The following ASIC5 variants were observed in gnomAD, a reference collection of about 807,000 sequenced individuals.
The protein encoded by ASIC5 is bile acid-sensitive ion channel.
ASIC5 carries 52 observed loss-of-function variants against 51.2 expected under a neutral mutation model. That is an observed-to-expected ratio of 1.02 (90% CI 0.81 to 1.28). The LOEUF is 1.28. Ranked by LOEUF, ASIC5 falls within the 50% of genes most tolerant of loss-of-function variation. The probability of loss-of-function intolerance (pLI) is 0.00; values close to 1 mark genes in which losing one functional copy is unlikely to be tolerated. For missense variants in ASIC5, 635 were observed against 595.0 expected, an observed-to-expected ratio of 1.07 and a Z score of -0.70; for synonymous variants, 231 against 200.7, an observed-to-expected ratio of 1.15 and a Z score of -1.28.
At chr4:155,838,669 T>C in intron 7 of ASIC5, 144 bp downstream of exon 7, 1 of 499,154 alleles carries the variant, frequency 2.0e-6, no homozygotes, top group Non-Finnish European at 3.6e-6. Context: ...TTAGCTACTA[T>C]TTAAGAACAC....
intron 6 of ASIC5, among the ~76,000 whole-genome samples, chr4:155,839,763 C>T (rs1382687198): frequency 6.6e-6 from 1 of 150,760 alleles, no homozygotes; most frequent in Non-Finnish European, 1.5e-5. Flanking sequence ...AGGAAAAAAC[C>T]TCATTTTTCT....
rs1048892928 is a variant in ASIC5, at chr4:155,830,362, G to C, written c.1328-316C>G. On this transcript the variant is annotated intron_variant, in intron 9 of 9. Coordinates refer to ENST00000537611, the MANE Select transcript of ASIC5 (RefSeq NM_017419.3). ...CTAGATAATTACAAACTCATTTCTAGGTGTTAAATGAAGAGCAGAAGAGTG... is the reference window on the plus strand; with the variant it reads ...CTAGATAATTACAAACTCATTTCTACGTGTTAAATGAAGAGCAGAAGAGTG... Among the ~76,000 whole-genome samples, 8 of 152,150 alleles carry C rather than the reference G, an allele frequency of 5.3e-5. No individual in the cohort carries two copies. In the South Asian group the frequency reaches 1.5e-3, roughly 28 times the overall value.
chr4:155,862,908 A>T (rs1043436189), intron 2 of ASIC5, among the ~76,000 whole-genome samples: 1 of 152,150 alleles, frequency 6.6e-6, no homozygotes, highest in Non-Finnish European at 1.5e-5. Flanking sequence ...AACACCCAAG[A>T]TGGAGACTAT....
At chr4:155,836,955 A>T (rs1740996525) in intron 7 of ASIC5, 98 bp from the exon 8 acceptor site, 1 of 914,876 alleles carries the variant, frequency 1.1e-6, no homozygotes, top group Non-Finnish European at 1.6e-6. Flanking sequence ...TCAATATTAA[A>T]AAAAGGTGGT....
intron 4 of ASIC5, among the ~76,000 whole-genome samples, chr4:155,849,787 C>T (rs999044092): frequency 1.3e-5 from 2 of 152,020 alleles, no homozygotes; most frequent in African/African-American, 2.4e-5. Context: ...GTCCGGCAAA[C>T]TGAAGCCAGT....
At chr4:155,835,131 G>A (rs1409024841) in intron 8 of ASIC5, among the ~76,000 whole-genome samples, 1 of 152,118 alleles carries the variant, frequency 6.6e-6, no homozygotes, top group Non-Finnish European at 1.5e-5. Flanking sequence ...CTCTGCCCTT[G>A]CGATAAGGCA....
At chr4:155,846,531 A>G (rs1159872343) in intron 4 of ASIC5, among the ~76,000 whole-genome samples, 1 of 152,090 alleles carries the variant, frequency 6.6e-6, no homozygotes, top group Non-Finnish European at 1.5e-5. Context: ...TCAAACCTAA[A>G]CTATAAACTC....
At chr4:155,857,725 C>A (rs937140274) in intron 2 of ASIC5, among the ~76,000 whole-genome samples, 1 of 151,966 alleles carries the variant, frequency 6.6e-6, no homozygotes, top group Non-Finnish European at 1.5e-5. Flanking sequence ...TGAGTCCTGC[C>A]AAAACAGATC....
At position 155,842,370 on chromosome 4, in the gene ASIC5, A is replaced by G. The variant is rs1159762740; in HGVS notation, c.862-16T>C. ...GATGAACTGTCTTAAGATAAGATAA[A>G]TACTGGGTTCAGGAGATGTGTTTAC... On this transcript the variant is annotated splice_polypyrimidine_tract_variant and intron_variant, in intron 5 of 9. Coordinates refer to ENST00000537611, the MANE Select transcript of ASIC5 (RefSeq NM_017419.3). 15 of 1,597,904 alleles carry G rather than the reference A, an allele frequency of 9.4e-6. No individual in the cohort carries two copies. Among genetic ancestry groups the G allele is most frequent in the Non-Finnish European group, 1.3e-5 (15 of 1,168,676 alleles).
In ASIC5 at chr4:155,829,903, G is replaced by T; in HGVS notation, c.1471C>A (p.Pro491Thr). Residue 491 changes from proline (P) to threonine (T), a missense_variant, in exon 10 of 10, where the codon CCA becomes ACA. By Grantham distance (38) the Pro-to-Thr change is conservative. Coordinates refer to ENST00000537611, the MANE Select transcript of ASIC5 (RefSeq NM_017419.3). ...KISEMTQWTP[P>T]PQNHLGNKNR... ...TTATTTCCCAGATGATTCTGAGGTG[G>T]AGGAGTCCACTGGGTCATTTCAGAT... 3 of 1,601,906 alleles carry T rather than the reference G, an allele frequency of 1.9e-6. No homozygotes were observed. Among genetic ancestry groups the T allele is most frequent in the Non-Finnish European group, 2.6e-6 (3 of 1,175,370 alleles).
Position 155,836,822 on chromosome 4 carries a change from T to C in ASIC5, c.1102A>G (p.Thr368Ala). The C allele has an allele frequency of 1.2e-6, 2 of 1,609,850 alleles. No homozygotes were observed. Among genetic ancestry groups the C allele is most frequent in the Non-Finnish European group, 1.7e-6 (2 of 1,176,686 alleles). The change falls in exon 8 of 10, where the codon ACA becomes GCA. Residue 368 changes from threonine (T) to alanine (A), a missense_variant. Physicochemically the swap from Thr to Ala is moderately conservative, Grantham distance 58. Coordinates refer to ENST00000537611, the MANE Select transcript of ASIC5 (RefSeq NM_017419.3). ...IEFKDLCTVG[T>A]HNSSCPVSCE... ...GAAACGGGGCAGCTAGAGTTATGTG[T>C]TCCTACTGTACATAAATCCTTAAAT... is the stretch of plus-strand genomic sequence containing the variant.
At chr4:155,852,837 G>A (rs1741415573) in intron 3 of ASIC5, among the ~76,000 whole-genome samples, 1 of 151,944 alleles carries the variant, frequency 6.6e-6, no homozygotes, top group Non-Finnish European at 1.5e-5. Context: ...TGTCCCAAGT[G>A]GAGCTAATTA....
rs140997960 is a variant in ASIC5, at chr4:155,852,498, G to A, written c.586-182C>T. Among the ~76,000 whole-genome samples, 427 of 148,554 alleles carry A rather than the reference G, an allele frequency of 2.9e-3. 2 individuals carry two copies. Among genetic ancestry groups the A allele is most frequent in the Middle Eastern group, 6.9e-3 (2 of 290 alleles). ...TTTTTTTTTTTGGTAATATGCATTC[G>A]TCAATTTGCATGTGATTATTTAAAG... On this transcript the variant is annotated intron_variant, in intron 3 of 9. Transcript: ENST00000537611.
chr4:155,849,875 C>A (rs1388978431), intron 4 of ASIC5, among the ~76,000 whole-genome samples: 1 of 152,036 alleles, frequency 6.6e-6, no homozygotes, highest in Non-Finnish European at 1.5e-5. Context: ...TACTGATGTA[C>A]GGACTTCAAA....
Position 155,842,197 on chromosome 4 carries a change from C to T in ASIC5, c.1009+10G>A, listed in dbSNP as rs368798159. On this transcript the variant is annotated intron_variant, in intron 6 of 9. Coordinates refer to ENST00000537611, the MANE Select transcript of ASIC5 (RefSeq NM_017419.3). ...CTAGTTAAGTAAGGGGGCAGTTAGT[C>T]TTTATTTACCAGGAAGAAGAAAAGG... 2 of 1,612,550 alleles carry T rather than the reference C, an allele frequency of 1.2e-6. No homozygotes were observed. The highest frequency in any genetic ancestry group is 1.1e-5 in the South Asian group (1 of 90,910).
chr4:155,833,504 G>A (rs1242087598), intron 8 of ASIC5, among the ~76,000 whole-genome samples: 4 of 152,056 alleles, frequency 2.6e-5, no homozygotes, highest in South Asian at 4.2e-4. Context: ...CTGAGTAACA[G>A]GAGAATGTAC....
Position 155,854,259 on chromosome 4 carries a change from C to A in ASIC5, c.403G>T (p.Val135Leu). The A allele has an allele frequency of 6.2e-7, 1 of 1,613,174 alleles. No individual in the cohort carries two copies. The highest frequency in any genetic ancestry group is 1.1e-5 in the South Asian group (1 of 91,062). The change falls in exon 3 of 10, where the codon GTA becomes TTA. Residue 135 changes from valine (V) to leucine (L), a missense_variant. Physicochemically the swap from Val to Leu is conservative, Grantham distance 32 (BLOSUM62 1). Transcript: ENST00000537611. Reference sequence around the variant, plus strand: ...TCTTGAAGATGGAGGACTTTGGATACAATGTGCCATAAGAAAAAAATAACA... The same window carrying A: ...TCTTGAAGATGGAGGACTTTGGATAAAATGTGCCATAAGAAAAAAATAACA... Reference protein sequence around the residue: ...FGVIFFLWHIVSKVLHLQEIT... With the variant: ...FGVIFFLWHILSKVLHLQEIT...
chr4:155,860,851 T>G (rs1310415222), intron 2 of ASIC5, among the ~76,000 whole-genome samples: 2 of 151,898 alleles, frequency 1.3e-5, no homozygotes, highest in Non-Finnish European at 2.9e-5. Flanking sequence ...GGCTATTAAG[T>G]ATTTTTAGAC....
intron 2 of ASIC5, among the ~76,000 whole-genome samples, chr4:155,860,677 ATCT>A (rs1199290016): frequency 4.6e-5 from 7 of 151,872 alleles, no homozygotes; most frequent in Non-Finnish European, 1.0e-4. Context: ...AAAATATTAA[ATCT>A]TCTTTTGTTG....
Sources: gnomAD v4.1 joint callset for allele counts (sites outside exome capture counted in the v4.1 genomes callset) on GRCh38, gnomAD v4.1.1 for gene constraint, MANE v1.5 for transcripts, NCBI Gene and HGNC (gene_info 2026-07-23, HGNC 2026-07-21) for gene names.